Variants in GTF2A2 observed in about 807,000 individuals in gnomAD.
GTF2A2 encodes the protein general transcription factor IIA subunit 2, also known as transcription initiation factor IIA subunit 2.
A neutral mutation model predicts 14.3 loss-of-function variants in GTF2A2; 9 were observed. The ratio of observed to expected loss-of-function variants is 0.63; its 90% CI spans 0.38 to 1.10. GTF2A2 has a LOEUF of 1.10. Among genes scored for constraint, GTF2A2 ranks in the 50% least tolerant of loss-of-function variants. The pLI, the probability that GTF2A2 is intolerant of heterozygous loss-of-function variation, is 0.01. For missense variants in GTF2A2, 90 were observed against 124.6 expected (o/e 0.72, Z 1.32); for synonymous variants, 56 against 46.0 (o/e 1.22, Z -0.88).
At chr15:59,639,292 G>A (rs565028186) in intron 4 of GTF2A2, 135 bp from the exon 5 acceptor site, 15 of 671,636 alleles carry the variant, frequency 2.2e-5, no homozygotes, top group East Asian at 1.1e-4. Flanking sequence ...GGGAAGAACA[G>A]GAGGAAAGGT....
At chr15:59,643,894 A>G (rs1042485766) in intron 3 of GTF2A2, among the ~76,000 whole-genome samples, 3 of 147,220 alleles carry the variant, frequency 2.0e-5, no homozygotes, top group Non-Finnish European at 3.0e-5. Flanking sequence ...CATAGCACCC[A>G]GCCTATTTTT....
At chr15:59,652,034 G>C (rs1352561535) in intron 2 of GTF2A2, 172 bp downstream of exon 2, 1 of 543,222 alleles carries the variant, frequency 1.8e-6, no homozygotes, top group African/African-American at 2.0e-5. Context: ...GTGTCCTGTT[G>C]TCAGGACAGT....
At position 59,638,626 on chromosome 15, in the gene GTF2A2, T is replaced by G. The variant is rs573302443; in HGVS notation, c.*506A>C. 1 of 152,488 alleles carries G rather than the reference T, an allele frequency of 6.6e-6. No individual in the cohort carries two copies. Among genetic ancestry groups the G allele is most frequent in the African/African-American group, 2.4e-5 (1 of 41,456 alleles). The allele number at this position is 152,488 out of a possible 1,614,324, so 9.4% of individuals were successfully genotyped here. A position where few individuals can be genotyped will look rare whatever the true frequency, so the allele number is the denominator to read the frequency against. ...TAATCAAGTTGTACTTGGGTTTTTT[T>G]ATACCAATGATTAACTTTGGTTTTG... On this transcript the variant is annotated 3_prime_UTR_variant, in exon 5 of 5. Coordinates refer to ENST00000396060, the MANE Select transcript of GTF2A2 (RefSeq NM_004492.3).
intron 4 of GTF2A2, 114 bp from the exon 5 acceptor site, chr15:59,639,271 C>CT: frequency 1.4e-6 from 1 of 721,468 alleles, no homozygotes; most frequent in Non-Finnish European, 2.6e-6. Flanking sequence ...GTGGTGGTGG[C>CT]TTGCAGGGTG....
chr15:59,642,683 C>T (rs1425048360), intron 3 of GTF2A2, among the ~76,000 whole-genome samples: 1 of 152,242 alleles, frequency 6.6e-6, no homozygotes, highest in African/African-American at 2.4e-5. Context: ...AATTTTAATC[C>T]TGTGACTTGG....
At chr15:59,656,586 CA>C (rs139153225) in intron 1 of GTF2A2, among the ~76,000 whole-genome samples, 2 of 149,724 alleles carry the variant, frequency 1.3e-5, no homozygotes, top group Admixed American at 6.6e-5. Context: ...CAATAGGAGC[CA>C]AAAAAAAATC....
At chr15:59,644,078 A>G (rs1023016239) in intron 3 of GTF2A2, among the ~76,000 whole-genome samples, 3 of 151,844 alleles carry the variant, frequency 2.0e-5, no homozygotes, top group Non-Finnish European at 2.9e-5. Flanking sequence ...TATTTTTAGT[A>G]GAGGCGGGGT....
intron 1 of GTF2A2, among the ~76,000 whole-genome samples, chr15:59,654,714 A>C (rs1891892185): frequency 6.6e-6 from 1 of 152,218 alleles, no homozygotes. Flanking sequence ...TATGACACAA[A>C]GTATTACACT....
In GTF2A2 at chr15:59,638,511, G is replaced by A. The variant is rs1294543913; in HGVS notation, c.*621C>T. The A allele has an allele frequency of 6.6e-6, 1 of 152,090 alleles. No individual in the cohort carries two copies. The highest frequency in any genetic ancestry group is 1.5e-5 in the Non-Finnish European group (1 of 68,166). 9.4% of individuals were successfully genotyped at this position (152,090 alleles called of 1,614,324 possible). A position where few individuals can be genotyped will look rare whatever the true frequency, so the allele number is the denominator to read the frequency against. ...ACCTGTCATGTGGGGGGACTATTTTGTTTGGGTTTTTTTCCCCCTTCCTCA... is the reference window on the plus strand; with the variant it reads ...ACCTGTCATGTGGGGGGACTATTTTATTTGGGTTTTTTTCCCCCTTCCTCA... On this transcript the variant is annotated 3_prime_UTR_variant, in exon 5 of 5. Coordinates refer to ENST00000396060, the MANE Select transcript of GTF2A2 (RefSeq NM_004492.3).
chr15:59,642,122 A>C lies in GTF2A2; in HGVS notation c.304+14T>G, dbSNP rs189450115. 1.3e-6 allele frequency: 2 copies of C among 1,593,606 alleles called. No individual in the cohort carries two copies. The highest frequency in any genetic ancestry group is 8.5e-7 in the Non-Finnish European group (1 of 1,172,078). Reference sequence around the variant, plus strand: ...GTTTCAAGTAGCTTTCACAGAAATAAGGCAAGCACTTACTTTTACCATCAC... The same window carrying C: ...GTTTCAAGTAGCTTTCACAGAAATACGGCAAGCACTTACTTTTACCATCAC... On this transcript the variant is annotated intron_variant, in intron 4 of 4. Coordinates refer to ENST00000396060, the MANE Select transcript of GTF2A2 (RefSeq NM_004492.3).
intron 1 of GTF2A2, chr15:59,656,756 A>C (rs1162456672): frequency 6.6e-6 from 1 of 152,222 alleles, no homozygotes; most frequent in Non-Finnish European, 1.5e-5. Flanking sequence ...TTTTGAGTTT[A>C]TCTAGAAAAT....
intron 4 of GTF2A2, among the ~76,000 whole-genome samples, chr15:59,640,632 A>C (rs1388227723): frequency 6.6e-6 from 1 of 152,202 alleles, no homozygotes; most frequent in East Asian, 1.9e-4. Flanking sequence ...AAAAAGTTCT[A>C]AGCAGTACTG....
intron 3 of GTF2A2, chr15:59,644,314 A>C (rs182879289): frequency 6.6e-6 from 1 of 152,394 alleles, no homozygotes; most frequent in Admixed American, 6.5e-5. Flanking sequence ...GGCAACACTT[A>C]AATGCCTAAA....
chr15:59,639,643 A>AGTG (rs1357835301), intron 4 of GTF2A2, among the ~76,000 whole-genome samples: 1 of 151,676 alleles, frequency 6.6e-6, no homozygotes, highest in Non-Finnish European at 1.5e-5. Flanking sequence ...TTTGTACTTT[A>AGTG]GAGACGGGGT....
chr15:59,655,759 T>C (rs1891924377), intron 1 of GTF2A2, among the ~76,000 whole-genome samples: 1 of 152,226 alleles, frequency 6.6e-6, no homozygotes, highest in South Asian at 2.1e-4. Context: ...CTATTTGTTA[T>C]CTTTTGCATC....
In GTF2A2 at chr15:59,642,267, A is replaced by G. The variant is rs1267907933; in HGVS notation, c.178-5T>C. ...TCTGTACGTATTTAGAGAGCCCTTT[A>G]AAACAAAACATTTAGAAATACCGTG... On this transcript the variant is annotated splice_polypyrimidine_tract_variant and splice_region_variant and intron_variant, in intron 3 of 4. Coordinates refer to ENST00000396060, the MANE Select transcript of GTF2A2 (RefSeq NM_004492.3). 1.3e-6 allele frequency: 2 copies of G among 1,585,098 alleles called. No homozygotes were observed. Among genetic ancestry groups the G allele is most frequent in the Admixed American group, 3.7e-5 (2 of 53,692 alleles).
intron 3 of GTF2A2, among the ~76,000 whole-genome samples, chr15:59,648,576 G>A (rs1294530213): frequency 6.6e-6 from 1 of 151,930 alleles, no homozygotes; most frequent in Non-Finnish European, 1.5e-5. Flanking sequence ...TCATACTTAA[G>A]AGGATTTTCT....
intron 3 of GTF2A2, among the ~76,000 whole-genome samples, chr15:59,648,105 G>A (rs1369048801): frequency 6.6e-6 from 1 of 151,934 alleles, no homozygotes; most frequent in East Asian, 1.9e-4. Context: ...ACCATACAAT[G>A]GCTCTTTAAA....
At chr15:59,639,827 T>G (rs541965349) in intron 4 of GTF2A2, among the ~76,000 whole-genome samples, 2 of 152,178 alleles carry the variant, frequency 1.3e-5, no homozygotes, top group South Asian at 4.2e-4. Flanking sequence ...CTCAGCTCAC[T>G]GCAATCTCCA....
Sources: allele counts gnomAD v4.1 joint callset (sites outside exome capture counted in the v4.1 genomes callset), GRCh38; gene constraint gnomAD v4.1.1; transcripts MANE v1.5; gene names NCBI Gene and HGNC (gene_info 2026-07-23, HGNC 2026-07-21).